HERC2: variants seen among roughly 807,000 people sequenced by gnomAD.
HERC2 encodes the protein HECT and RLD domain containing E3 ubiquitin protein ligase 2.
A neutral mutation model predicts 537.7 loss-of-function variants in HERC2; 102 were observed. That is an observed-to-expected ratio of 0.19 (90% confidence interval 0.16 to 0.22). The LOEUF (loss-of-function observed/expected upper bound fraction) is 0.22. Among genes scored for constraint, HERC2 ranks in the 10% least tolerant of loss-of-function variants. The probability of loss-of-function intolerance (pLI) is 1.00; values close to 1 mark genes in which losing one functional copy is unlikely to be tolerated. For missense variants in HERC2, 4,236 were observed against 6,198.2 expected (o/e 0.68, Z 10.63); for synonymous variants, 2,224 against 2,466.2 (o/e 0.90, Z 2.91).
chr15:28,193,586 A>G (rs934087063), intron 52 of HERC2, among the ~76,000 whole-genome samples: 3 of 152,158 alleles, frequency 2.0e-5, no homozygotes, highest in African/African-American at 7.2e-5. Context: ...ATTTTCCAAA[A>G]CAGACAACAG....
chr15:28,124,293 T>C lies in HERC2; in HGVS notation c.12991-59A>G, dbSNP rs963860217. The C allele has an allele frequency of 2.7e-5, 32 of 1,175,056 alleles. No individual in the cohort carries two copies. The South Asian group carries it at 6.2e-4, about 23-fold the overall frequency. The allele number at this position is 1,175,056 out of a possible 1,614,324, so 72.8% of individuals were successfully genotyped here. On this transcript the variant is annotated intron_variant, in intron 84 of 92. Coordinates refer to ENST00000261609, the MANE Select transcript of HERC2 (RefSeq NM_004667.6). ...CACCAAAGGCACACGGGGGCCAGTG[T>C]GGCATCCATTAAGGATTCTGAAAAC...
intron 9 of HERC2, among the ~76,000 whole-genome samples, chr15:28,271,525 T>C (rs1232423213): frequency 1.3e-5 from 2 of 151,904 alleles, no homozygotes; most frequent in Non-Finnish European, 2.9e-5. Flanking sequence ...ATATATTAGC[T>C]GGGCTTGGTG....
chr15:28,306,146 C>T (rs2076781220), intron 2 of HERC2, among the ~76,000 whole-genome samples: 1 of 152,142 alleles, frequency 6.6e-6, no homozygotes, highest in Non-Finnish European at 1.5e-5. Context: ...TGTCTTGTTC[C>T]AGATCTTAGA....
intron 81 of HERC2, among the ~76,000 whole-genome samples, chr15:28,130,935 C>T (rs1202732737): frequency 6.6e-6 from 1 of 152,110 alleles, no homozygotes; most frequent in Non-Finnish European, 1.5e-5. Context: ...CCAGCAATCC[C>T]TGTGTCTCTC....
chr15:28,315,855 C>A, intron 2 of HERC2: 1 of 559,642 alleles, frequency 1.8e-6, no homozygotes, highest in South Asian at 1.7e-5. Context: ...AGTTGTGGGA[C>A]TGCATGCCAC....
rs747456737 is a variant in HERC2, at chr15:28,198,489, T to G, written c.7900A>C (p.Ser2634Arg). Residue 2634 changes from serine to arginine, a missense_variant, in exon 50 of 93, where the codon AGT becomes CGT. By Grantham distance (110) the Ser-to-Arg change is moderately radical (BLOSUM62 -1). This residue lies in a region of HERC2 where 606 missense variants were observed against 884.5 expected (regional missense o/e 0.69). Coordinates refer to ENST00000261609, the MANE Select transcript of HERC2 (RefSeq NM_004667.6). ...CCAATCTTGATGTGAGAAGAAGAAC[T>G]TGGTGGAGGATAGCCTACAGATGTC... is the stretch of plus-strand genomic sequence containing the variant. ...HVELIGYPPP[S>R]SSSHIKIGDK... is the part of the protein sequence containing the mutation. 1.2e-5 allele frequency: 20 copies of G among 1,613,988 alleles called. No individual in the cohort carries two copies. The African/African-American group carries it at 2.0e-4, about 16-fold the overall frequency.
intron 23 of HERC2, among the ~76,000 whole-genome samples, chr15:28,243,986 G>A (rs1306848150): frequency 6.6e-6 from 1 of 152,166 alleles, no homozygotes; most frequent in Non-Finnish European, 1.5e-5. Context: ...GACCAGCCTG[G>A]GCAACAGAGG....
intron 79 of HERC2, among the ~76,000 whole-genome samples, chr15:28,133,047 G>T (rs1480609475): frequency 6.6e-6 from 1 of 151,824 alleles, no homozygotes; most frequent in East Asian, 1.9e-4. Context: ...TCAGAGGCTG[G>T]AAAGTGACCA....
At chr15:28,184,730 C>T (rs138844489) in intron 56 of HERC2, among the ~76,000 whole-genome samples, 5,554 of 151,240 alleles carry the variant, frequency 0.037, 332 homozygotes, top group African/African-American at 0.13. Flanking sequence ...GGCATGGCGG[C>T]GTGCACCTGT....
At chr15:28,269,088 C>T (rs1428118093) in intron 11 of HERC2, among the ~76,000 whole-genome samples, 160 bp downstream of exon 11, 1 of 152,192 alleles carries the variant, frequency 6.6e-6, no homozygotes, top group Non-Finnish European at 1.5e-5. Flanking sequence ...CAAATCTTGA[C>T]AATATTACAA....
At chr15:28,280,508 C>G (rs185797469) in intron 4 of HERC2, among the ~76,000 whole-genome samples, 1 of 152,240 alleles carries the variant, frequency 6.6e-6, no homozygotes, top group East Asian at 1.9e-4. Context: ...ACTGAGGCAC[C>G]AAGTGGTTAA....
intron 40 of HERC2, 64 bp downstream of exon 40, chr15:28,214,591 C>A (rs1596251355): frequency 2.7e-6 from 4 of 1,498,654 alleles, no homozygotes; most frequent in Admixed American, 3.7e-5. Context: ...AAACGGCCAC[C>A]CACCTGAGTG....
At chr15:28,147,736 T>C (rs1224365686) in intron 70 of HERC2, among the ~76,000 whole-genome samples, 1 of 151,836 alleles carries the variant, frequency 6.6e-6, no homozygotes, top group Non-Finnish European at 1.5e-5. Context: ...AAGTTATTGT[T>C]AGAAAAAGGG....
Position 28,182,375 on chromosome 15 carries a change from G to A in HERC2, c.8937+26C>T, listed in dbSNP as rs1318241041. The A allele has an allele frequency of 2.6e-6, 4 of 1,530,654 alleles. No homozygotes were observed. In the Admixed American group the frequency reaches 5.0e-5, roughly 19 times the overall value. The allele number at this position is 1,530,654 out of a possible 1,614,324, so 94.8% of individuals were successfully genotyped here. On this transcript the variant is annotated intron_variant, in intron 57 of 92. Transcript: ENST00000261609. ...TGGCTGCTGCCGAGTGCCCCACCCT[G>A]CTGGGTCCCAGGGAGCAGGCCGTAC...
chr15:28,146,842 C>T (rs1891794599), intron 70 of HERC2, among the ~76,000 whole-genome samples: 1 of 137,804 alleles, frequency 7.3e-6, no homozygotes, highest in Admixed American at 7.7e-5. Flanking sequence ...CAAGAGTTTT[C>T]CTTCAGGCTG....
chr15:28,154,530 C>A (rs894173122), intron 69 of HERC2, among the ~76,000 whole-genome samples: 1 of 152,172 alleles, frequency 6.6e-6, no homozygotes, highest in Non-Finnish European at 1.5e-5. Context: ...ATCAGGGGCT[C>A]TGGCCTTCAG....
chr15:28,275,726 T>C (rs2075854093), intron 5 of HERC2, among the ~76,000 whole-genome samples: 1 of 151,806 alleles, frequency 6.6e-6, no homozygotes, highest in South Asian at 2.1e-4. Context: ...CAGCTTGCAG[T>C]GAGCCAAGAT....
At chr15:28,290,546 T>C (rs1056944731) in intron 4 of HERC2, among the ~76,000 whole-genome samples, 1 of 152,098 alleles carries the variant, frequency 6.6e-6, no homozygotes, top group African/African-American at 2.4e-5. Context: ...TTATTATGTG[T>C]GCATGAAACA....
intron 20 of HERC2, among the ~76,000 whole-genome samples, chr15:28,249,887 C>A (rs1904112841): frequency 6.6e-6 from 1 of 151,294 alleles, no homozygotes; most frequent in Non-Finnish European, 1.5e-5. Context: ...GATTTCCCGA[C>A]CTCGTGATTC....
Sources: gnomAD v4.1 joint callset for allele counts (sites outside exome capture counted in the v4.1 genomes callset) on GRCh38, gnomAD v4.1.1 for gene constraint, gnomAD v4.1.1 regional missense constraint, MANE v1.5 for transcripts, NCBI Gene and HGNC (gene_info 2026-07-23, HGNC 2026-07-21) for gene names.